The following MYH15 variants were observed in gnomAD, a reference collection of about 807,000 sequenced individuals.
MYH15 encodes myosin-15.
Under a neutral mutation model 240.5 loss-of-function variants are expected in MYH15, and 227 were observed. The ratio of observed to expected loss-of-function variants is 0.94; its 90% CI spans 0.85 to 1.05. The LOEUF is 1.05. MYH15 is among the 50% of genes least tolerant of loss of function. The probability of loss-of-function intolerance (pLI) is 0.00; values close to 1 mark genes in which losing one functional copy is unlikely to be tolerated. For missense variants in MYH15, 2,217 were observed against 2,247.5 expected, an observed-to-expected ratio of 0.99 and a Z score of 0.27; for synonymous variants, 785 against 796.7, an observed-to-expected ratio of 0.99 and a Z score of 0.25.
At chr3:108,442,632 G>T (rs150310787) in intron 22 of MYH15, among the ~76,000 whole-genome samples, 2 of 152,078 alleles carry the variant, frequency 1.3e-5, no homozygotes, top group Admixed American at 1.3e-4. Context: ...TTTGGGGGCT[G>T]AGCAATGGTG....
At chr3:108,449,622 G>A (rs2082956400) in intron 21 of MYH15, among the ~76,000 whole-genome samples, 1 of 151,916 alleles carries the variant, frequency 6.6e-6, no homozygotes, top group South Asian at 2.1e-4. Context: ...ATCTGAAACT[G>A]TAAAATTACC....
At chr3:108,405,655 T>A (rs2082541334) in intron 32 of MYH15, among the ~76,000 whole-genome samples, 1 of 152,206 alleles carries the variant, frequency 6.6e-6, no homozygotes, top group Non-Finnish European at 1.5e-5. Context: ...TTGACATTCT[T>A]AGGTCTTTCA....
At chr3:108,450,151 T>G (rs1273977461) in intron 21 of MYH15, among the ~76,000 whole-genome samples, 1 of 152,008 alleles carries the variant, frequency 6.6e-6, no homozygotes, top group African/African-American at 2.4e-5. Flanking sequence ...GTATGAAGGC[T>G]CCTCAAAAAA....
In MYH15 at chr3:108,381,430, T is replaced by G; in HGVS notation, c.*115A>C. On this transcript the variant is annotated 3_prime_UTR_variant, in exon 41 of 41. Transcript: ENST00000693548. ...TTCTAATTGCCTTGTTTATATGGTG[T>G]GAAAAGCAATTTAAACATGTTTTTA... The G allele has an allele frequency of 8.3e-7, 1 of 1,209,778 alleles. No homozygotes were observed. Among genetic ancestry groups the G allele is most frequent in the East Asian group, 2.3e-5 (1 of 42,906 alleles). 74.9% of individuals were successfully genotyped at this position (1,209,778 alleles called of 1,614,324 possible).
At chr3:108,531,767 AC>A (rs1183591772), upstream of MYH15, among the ~76,000 whole-genome samples, 1 of 148,330 alleles carries the variant, frequency 6.7e-6, no homozygotes, top group Non-Finnish European at 1.5e-5. Flanking sequence ...ACAGAGCGAG[AC>A]CCCATCTCTA....
intron 21 of MYH15, among the ~76,000 whole-genome samples, chr3:108,446,236 C>T (rs534544902): frequency 6.6e-6 from 1 of 152,138 alleles, no homozygotes; most frequent in Non-Finnish European, 1.5e-5. Flanking sequence ...TCACTAAGTC[C>T]ACTACCATGG....
intron 3 of MYH15, among the ~76,000 whole-genome samples, chr3:108,501,221 G>A (rs1223700338): frequency 1.3e-5 from 2 of 152,164 alleles, no homozygotes; most frequent in African/African-American, 2.4e-5. Flanking sequence ...CACTGTTTCT[G>A]CTGCATAGGT....
intron 4 of MYH15, 99 bp from the exon 5 acceptor site, chr3:108,499,581 AC>A (rs2083421113): frequency 4.4e-6 from 5 of 1,142,858 alleles, no homozygotes; most frequent in East Asian, 2.4e-5. Flanking sequence ...TTGAAATCAG[AC>A]ACAAGGGAAA....
intron 21 of MYH15, among the ~76,000 whole-genome samples, chr3:108,450,972 T>C (rs2082968413): frequency 6.6e-6 from 1 of 152,114 alleles, no homozygotes; most frequent in South Asian, 2.1e-4. Flanking sequence ...GTGGCATGAA[T>C]GTTCAAGAAA....
In MYH15 at chr3:108,500,446, G is replaced by A. The variant is rs779933471; in HGVS notation, c.340-172C>T. The stretch of plus-strand genomic sequence containing the variant: ...TTCTAACAAGAAGAGACAGAACCAG[G>A]TTAGAGTAACATCAGGACCTGGGAT... On this transcript the variant is annotated intron_variant, in intron 3 of 40. Transcript: ENST00000693548. Among the ~76,000 whole-genome samples, 14 of 152,312 alleles carry A rather than the reference G, an allele frequency of 9.2e-5. 1 individual carries two copies. Among genetic ancestry groups the A allele is most frequent in the African/African-American group, 2.4e-4 (10 of 41,568 alleles).
chr3:108,383,753 A>AAG, intron 39 of MYH15, 24 bp from the exon 40 acceptor site: 1 of 1,528,914 alleles, frequency 6.5e-7, no homozygotes, highest in Non-Finnish European at 8.8e-7. Flanking sequence ...AAAAAAAAAA[A>AAG]AGAAATCTCC....
chr3:108,533,698 G>T (rs541487421), upstream of MYH15, among the ~76,000 whole-genome samples: 3 of 152,246 alleles, frequency 2.0e-5, no homozygotes, highest in African/African-American at 7.2e-5. Flanking sequence ...AGGAATTGGG[G>T]TTCTGTAAAG....
At chr3:108,516,719 T>C (rs2083575410) in intron 1 of MYH15, among the ~76,000 whole-genome samples, 1 of 152,226 alleles carries the variant, frequency 6.6e-6, no homozygotes, top group Non-Finnish European at 1.5e-5. Context: ...ACCTGCAATT[T>C]ATTTATTTAT....
At chr3:108,520,812 A>G (rs2083612354) in intron 1 of MYH15, among the ~76,000 whole-genome samples, 1 of 152,168 alleles carries the variant, frequency 6.6e-6, no homozygotes, top group Non-Finnish European at 1.5e-5. Context: ...ATAGTTAATC[A>G]TAGATATCTA....
At position 108,460,361 on chromosome 3, in the gene MYH15, G is replaced by T; in HGVS notation, c.1871C>A (p.Pro624Gln). Residue 624 changes from proline to glutamine, a missense_variant, in exon 17 of 41, where the codon CCA becomes CAA. Physicochemically the swap from Pro to Gln is moderately conservative, Grantham distance 76. Transcript: ENST00000693548. ...ENYMSTDSAIPFGEKKRKKGA... is the reference protein window; with the variant it reads ...ENYMSTDSAIQFGEKKRKKGA... Reference sequence around the variant, plus strand: ...TTTCTTTCGTTTCTTCTCCCCAAATGGTATAGCTAGCAAAAAAAAAAAAAG... The same window carrying T: ...TTTCTTTCGTTTCTTCTCCCCAAATTGTATAGCTAGCAAAAAAAAAAAAAG... 3 of 1,560,660 alleles carry T rather than the reference G, an allele frequency of 1.9e-6. No homozygotes were observed. The highest frequency in any genetic ancestry group is 1.5e-5 in the African/African-American group (1 of 65,880).
At chr3:108,505,890 G>A in intron 1 of MYH15, 61 bp from the exon 2 acceptor site, 1 of 1,109,258 alleles carries the variant, frequency 9.0e-7, no homozygotes, top group Non-Finnish European at 1.3e-6. Context: ...AATACATACT[G>A]GACACTTTCA....
intron 25 of MYH15, among the ~76,000 whole-genome samples, chr3:108,437,215 A>ATTT (rs1227635943): frequency 1.4e-5 from 2 of 143,778 alleles, no homozygotes; most frequent in Admixed American, 1.4e-4. Context: ...ATTTTATGCC[A>ATTT]TTGGTCTCGT....
At chr3:108,390,544 T>C (rs2082416204) in intron 37 of MYH15, among the ~76,000 whole-genome samples, 1 of 152,218 alleles carries the variant, frequency 6.6e-6, no homozygotes, top group Non-Finnish European at 1.5e-5. Context: ...ATATATGTCA[T>C]TGGATAAACT....
At chr3:108,410,536 C>T (rs754695325) in intron 31 of MYH15, 47 bp downstream of exon 31, 23 of 1,412,496 alleles carry the variant, frequency 1.6e-5, no homozygotes, top group Non-Finnish European at 2.1e-5. Flanking sequence ...CAGGGCTCTT[C>T]CTGAGCTACC....
Sources: allele counts gnomAD v4.1 joint callset (sites outside exome capture counted in the v4.1 genomes callset), GRCh38; gene constraint gnomAD v4.1.1; transcripts MANE v1.5; gene names NCBI Gene and HGNC (gene_info 2026-07-23, HGNC 2026-07-21).